Variants in UPRT observed in about 807,000 individuals in gnomAD.
UPRT encodes uracil phosphoribosyltransferase homolog.
A neutral mutation model predicts 22.6 loss-of-function variants in UPRT; 5 were observed. The ratio of observed to expected loss-of-function variants is 0.22; its 90% CI spans 0.12 to 0.47. The LOEUF (loss-of-function observed/expected upper bound fraction) is 0.47. Ranked by LOEUF, UPRT falls within the 20% of genes least tolerant of loss-of-function variation. UPRT has a pLI of 0.99. For synonymous variants in UPRT, 77 were observed against 87.7 expected (o/e 0.88, Z 0.68); for missense variants, 181 against 239.9 (o/e 0.75, Z 1.62).
chrX:75,261,638 T>C (rs2082568243), intron 4 of UPRT, among the ~76,000 whole-genome samples: 1 of 111,554 alleles, frequency 9.0e-6, no homozygotes, highest in African/African-American at 3.3e-5. Context: ...TTCCAATCAA[T>C]AGAAAAAGAG....
intron 6 of UPRT, among the ~76,000 whole-genome samples, chrX:75,302,945 G>T (rs1017974881): frequency 4.5e-5 from 5 of 110,054 alleles, no homozygotes; most frequent in African/African-American, 9.9e-5. Flanking sequence ...GTTGCCGTGT[G>T]GCCCAGGCTG....
intron 4 of UPRT, among the ~76,000 whole-genome samples, chrX:75,177,058 G>A (rs1408202615): frequency 5.4e-5 from 6 of 111,089 alleles, no homozygotes; most frequent in South Asian, 3.9e-4. Context: ...AGACAAAACC[G>A]CCCATGGTTT....
chrX:75,191,449 G>T (rs368688035), intron 4 of UPRT, among the ~76,000 whole-genome samples: 2 of 103,029 alleles, frequency 1.9e-5, no homozygotes, highest in Non-Finnish European at 4.0e-5. Flanking sequence ...GAGGCAGTCT[G>T]TCTGTTCTCA....
chrX:75,170,395 T>A (rs2082223830), intron 4 of UPRT, among the ~76,000 whole-genome samples: 1 of 111,630 alleles, frequency 9.0e-6, no homozygotes, highest in African/African-American at 3.3e-5. Context: ...GGATAGCTAC[T>A]CCAGCTCGCT....
chrX:75,302,832 G>A (rs1488916820), intron 6 of UPRT, among the ~76,000 whole-genome samples: 2 of 111,052 alleles, frequency 1.8e-5, no homozygotes, highest in Non-Finnish European at 3.8e-5. Context: ...TCTGTGAAAA[G>A]CAAGTACACT....
intron 3 of UPRT, among the ~76,000 whole-genome samples, chrX:75,164,578 A>G (rs2082208223): frequency 8.9e-6 from 1 of 112,086 alleles, no homozygotes; most frequent in Non-Finnish European, 1.9e-5. Context: ...CAAATCTGTA[A>G]AGATAGAATG....
At chrX:75,287,740 C>T (rs1468759130) in intron 1 of UPRT, among the ~76,000 whole-genome samples, 1 of 111,136 alleles carries the variant, frequency 9.0e-6, no homozygotes, top group Non-Finnish European at 1.9e-5. Context: ...ATCTCATTAA[C>T]AATCTAATGT....
chrX:75,259,010 C>A (rs1211731502), intron 4 of UPRT, among the ~76,000 whole-genome samples: 3 of 111,860 alleles, frequency 2.7e-5, no homozygotes, highest in Non-Finnish European at 5.6e-5. Context: ...CAAACTCCAG[C>A]AGACCTGCAT....
At chrX:75,167,759 GT>G (rs367852011) in intron 3 of UPRT, among the ~76,000 whole-genome samples, 2,988 of 98,605 alleles carry the variant, frequency 0.03, 112 homozygotes, top group African/African-American at 0.1. Context: ...CTTGTTTTTT[GT>G]TTTTTTTTTT....
chrX:75,234,061 C>A (rs1406964713), intron 4 of UPRT, among the ~76,000 whole-genome samples: 1 of 110,387 alleles, frequency 9.1e-6, no homozygotes, highest in African/African-American at 3.3e-5. Context: ...CAGAGACACA[C>A]ATAGGCTCAA....
chrX:75,197,066 T>G (rs1453317910), intron 4 of UPRT, among the ~76,000 whole-genome samples: 1 of 110,900 alleles, frequency 9.0e-6, no homozygotes, highest in Admixed American at 9.6e-5. Context: ...GAACAGTGAA[T>G]TAGAAATACA....
intron 4 of UPRT, among the ~76,000 whole-genome samples, chrX:75,233,196 A>T: frequency 9.0e-6 from 1 of 110,999 alleles, no homozygotes; most frequent in Non-Finnish European, 1.9e-5. Flanking sequence ...GCAATGGAAG[A>T]TGAAATGAAT....
chrX:75,181,667 A>G (rs2082270711), intron 4 of UPRT, among the ~76,000 whole-genome samples: 1 of 111,412 alleles, frequency 9.0e-6, no homozygotes, highest in South Asian at 3.8e-4. Flanking sequence ...GGTGTATAGG[A>G]ATGCTACTGA....
chrX:75,287,267 G>A (rs1465360321), intron 1 of UPRT, among the ~76,000 whole-genome samples: 1 of 111,539 alleles, frequency 9.0e-6, no homozygotes, highest in African/African-American at 3.3e-5. Context: ...ATTATCCCAG[G>A]GGAGAATCCC....
At chrX:75,224,941 T>C (rs2082419582) in intron 4 of UPRT, among the ~76,000 whole-genome samples, 1 of 111,283 alleles carries the variant, frequency 9.0e-6, no homozygotes, top group Non-Finnish European at 1.9e-5. Context: ...TTTCTCTCAC[T>C]CTCCCCACAC....
chrX:75,256,473 A>G (rs1448459802), intron 4 of UPRT, among the ~76,000 whole-genome samples: 2 of 111,219 alleles, frequency 1.8e-5, no homozygotes, highest in Non-Finnish European at 3.8e-5. Flanking sequence ...ACAAGAACCA[A>G]CCAAACCCAA....
chrX:75,170,429 ATC>A (rs1246653358), intron 4 of UPRT, among the ~76,000 whole-genome samples: 5 of 111,731 alleles, frequency 4.5e-5, no homozygotes, highest in African/African-American at 1.6e-4. Context: ...TGCATGGAAT[ATC>A]TTTTTCCACC....
chrX:75,189,922 C>G (rs765658915), intron 4 of UPRT, among the ~76,000 whole-genome samples: 37 of 112,155 alleles, frequency 3.3e-4, no homozygotes, highest in Non-Finnish European at 3.8e-4. Context: ...TGGGTCTTGA[C>G]TCTTTATCCA....
At chrX:75,186,919 T>C (rs1305845596) in intron 4 of UPRT, among the ~76,000 whole-genome samples, 1 of 111,894 alleles carries the variant, frequency 8.9e-6, no homozygotes, top group African/African-American at 3.3e-5. Flanking sequence ...TGTGTGTCTC[T>C]GCATGTGAGA....
Sources: allele counts gnomAD v4.1 joint callset (sites outside exome capture counted in the v4.1 genomes callset), GRCh38; gene constraint gnomAD v4.1.1; transcripts MANE v1.5; gene names NCBI Gene and HGNC (gene_info 2026-07-23, HGNC 2026-07-21).